Variants in BTN3A3 observed in about 807,000 individuals in gnomAD.
The protein encoded by BTN3A3 is butyrophilin 3.
BTN3A3 carries 39 observed loss-of-function variants against 43.2 expected under a neutral mutation model. That is an observed-to-expected ratio of 0.90 (90% CI 0.70 to 1.18). BTN3A3 has a LOEUF of 1.18. Ranked by LOEUF, BTN3A3 falls within the 50% of genes most tolerant of loss-of-function variation. The pLI, the probability that BTN3A3 is intolerant of heterozygous loss-of-function variation, is 0.00. For synonymous variants in BTN3A3, 255 were observed against 272.7 expected, an observed-to-expected ratio of 0.93 and a Z score of 0.64; for missense variants, 631 against 722.8, an observed-to-expected ratio of 0.87 and a Z score of 1.46.
chr6:26,448,244 G>A lies in BTN3A3; in HGVS notation c.716-4G>A, dbSNP rs767597946. 25 of 1,612,718 alleles carry A rather than the reference G, an allele frequency of 1.6e-5. No homozygotes were observed. The Admixed American group carries it at 2.2e-4, about 14-fold the overall frequency. On this transcript the variant is annotated splice_region_variant and splice_polypyrimidine_tract_variant and intron_variant, in intron 5 of 10. Transcript: ENST00000244519. ...CCCATGACCCACAGCTCTCCCCTTC[G>A]CAGACCCCTTCTTCAGGAGCGCCCA... is the stretch of plus-strand genomic sequence containing the variant.
Position 26,448,762 on chromosome 6 carries a change from A to T in BTN3A3, c.964+8A>T, listed in dbSNP as rs766628447. 6.2e-7 allele frequency: 1 copy of T among 1,613,314 alleles called. No homozygotes were observed. The highest frequency in any genetic ancestry group is 1.7e-5 in the Admixed American group (1 of 59,938). On this transcript the variant is annotated splice_region_variant and intron_variant, in intron 8 of 10. Transcript: ENST00000244519. The stretch of plus-strand genomic sequence containing the variant: ...AAATCCAGTACATGGCTCGTGAGTG[A>T]CTCTGACATTTTCTCTGAATTTGAA...
chr6:26,450,748 C>T (rs1357921296), intron 10 of BTN3A3, among the ~76,000 whole-genome samples: 1 of 152,038 alleles, frequency 6.6e-6, no homozygotes, highest in Non-Finnish European at 1.5e-5. Context: ...CCCATGGTTC[C>T]CAACAGTGGG....
In BTN3A3 at chr6:26,452,063, T is replaced by C; in HGVS notation, c.1407T>C (p.Thr469=). ...RKVGIFLDYE[T]GEISFYNATD... ...TGGGGATCTTCCTGGACTATGAGAC[T>C]GGAGAGATCTCGTTCTATAATGCCA... Residue 469 remains threonine, a synonymous_variant, in exon 11 of 11, where the codon ACT becomes ACC. Coordinates refer to ENST00000244519, the MANE Select transcript of BTN3A3 (RefSeq NM_006994.5). The C allele has an allele frequency of 6.2e-7, 1 of 1,614,150 alleles. No individual in the cohort carries two copies. Among genetic ancestry groups the C allele is most frequent in the Non-Finnish European group, 8.5e-7 (1 of 1,180,006 alleles).
At position 26,451,731 on chromosome 6, in the gene BTN3A3, C is replaced by G. The variant is rs759916211; in HGVS notation, c.1075C>G (p.Gln359Glu). The G allele has an allele frequency of 1.2e-6, 2 of 1,614,128 alleles. No homozygotes were observed. Among genetic ancestry groups the G allele is most frequent in the Non-Finnish European group, 1.7e-6 (2 of 1,180,012 alleles). ...ANAILLVSEDQRSVQRAEEPR... is the reference protein window; with the variant it reads ...ANAILLVSEDERSVQRAEEPR... ...CGCCATCCTCCTTGTTTCTGAGGAC[C>G]AGAGGAGTGTGCAGCGTGCTGAAGA... The change falls in exon 11 of 11, where the codon CAG becomes GAG. Residue 359 changes from glutamine (Q) to glutamate (E), a missense_variant. Physicochemically the swap from Gln to Glu is conservative, Grantham distance 29. Around this residue, in one of 2 missense-constraint regions of BTN3A3, gnomAD observed 551 missense variants for 584.0 expected, o/e 0.94. Coordinates refer to ENST00000244519, the MANE Select transcript of BTN3A3 (RefSeq NM_006994.5).
chr6:26,452,026 C>A lies in BTN3A3; in HGVS notation c.1370C>A (p.Pro457His). 6.2e-7 allele frequency: 1 copy of A among 1,614,158 alleles called. No homozygotes were observed. The highest frequency in any genetic ancestry group is 8.5e-7 in the Non-Finnish European group (1 of 1,180,016). Residue 457 changes from proline to histidine, a missense_variant, in exon 11 of 11, where the codon CCT becomes CAT. Around this residue, in one of 2 missense-constraint regions of BTN3A3, gnomAD observed 551 missense variants for 584.0 expected, o/e 0.94. Coordinates refer to ENST00000244519, the MANE Select transcript of BTN3A3 (RefSeq NM_006994.5). ...EPRTNLKLPE[P>H]PRKVGIFLDY... ...AGAACCAACCTGAAACTTCCTGAGC[C>A]TCCTAGGAAAGTGGGGATCTTCCTG...
rs778558121 is a variant in BTN3A3 at position 26,448,439 on chromosome 6, A to G, written c.907A>G (p.Ser303Gly). ...ATACGCTGCAACAGAGCAAGAAATA[A>G]GCCTAAGAGGTATCCAACGCAAGCA... ...MGYAATEQEI[S>G]LREKLQEELK... is the part of the protein sequence containing the mutation. Residue 303 changes from serine (S) to glycine (G), a missense_variant, in exon 6 of 11, where the codon AGC becomes GGC. Around this residue, in one of 2 missense-constraint regions of BTN3A3, gnomAD observed 551 missense variants for 584.0 expected, o/e 0.94. Coordinates refer to ENST00000244519, the MANE Select transcript of BTN3A3 (RefSeq NM_006994.5). 1.9e-6 allele frequency: 3 copies of G among 1,613,486 alleles called. No homozygotes were observed. Among genetic ancestry groups the G allele is most frequent in the African/African-American group, 2.7e-5 (2 of 74,932 alleles).
Position 26,452,719 on chromosome 6 carries a change from C to T in BTN3A3, c.*308C>T, listed in dbSNP as rs41267923. 0.077 allele frequency: 23,498 copies of T among 305,140 alleles called. 1,281 individuals carry two copies. The highest frequency in any genetic ancestry group is 0.094 in the Non-Finnish European group (15,489 of 164,070). 18.9% of individuals were successfully genotyped at this position (305,140 alleles called of 1,614,324 possible). ...GGGCAACATGAAGTAACTTACATAA[C>T]TCATACAGTAATTTGTGCAGTTGGG... is the stretch of plus-strand genomic sequence containing the variant. On this transcript the variant is annotated 3_prime_UTR_variant, in exon 11 of 11. Coordinates refer to ENST00000244519, the MANE Select transcript of BTN3A3 (RefSeq NM_006994.5).
intron 3 of BTN3A3, 46 bp downstream of exon 3, chr6:26,443,705 C>T (rs367717503): frequency 2.0e-5 from 31 of 1,586,844 alleles, no homozygotes; most frequent in Non-Finnish European, 2.7e-5. Flanking sequence ...CTGAAGCAGA[C>T]AATTATCTCA....
At chr6:26,448,589 T>C in intron 6 of BTN3A3, 28 bp from the exon 7 acceptor site, 2 of 1,613,952 alleles carry the variant, frequency 1.2e-6, no homozygotes, top group Non-Finnish European at 1.7e-6. Context: ...TGTTCTTTTT[T>C]TCTTTTCTTT....
Position 26,448,246 on chromosome 6 carries a change from A to C in BTN3A3, c.716-2A>C. 1 of 1,613,058 alleles carries C rather than the reference A, an allele frequency of 6.2e-7. No homozygotes were observed. The highest frequency in any genetic ancestry group is 8.5e-7 in the Non-Finnish European group (1 of 1,179,872). On this transcript the variant is annotated splice_acceptor_variant, in intron 5 of 10. Coordinates refer to ENST00000244519, the MANE Select transcript of BTN3A3 (RefSeq NM_006994.5). LOFTEE classifies it high-confidence loss of function. ...CATGACCCACAGCTCTCCCCTTCGC[A>C]GACCCCTTCTTCAGGAGCGCCCAGC...
At chr6:26,450,211 T>C (rs1221537646) in intron 10 of BTN3A3, 78 bp downstream of exon 10, 14 of 1,538,936 alleles carry the variant, frequency 9.1e-6, no homozygotes, top group Non-Finnish European at 1.2e-5. Context: ...ACTCTTGTGA[T>C]TTAGGGAAGA....
In BTN3A3 at chr6:26,448,637, A is replaced by T. The variant is rs1204987946; in HGVS notation, c.937A>T (p.Lys313Ter). 6.2e-7 allele frequency: 1 copy of T among 1,613,928 alleles called. No homozygotes were observed. Among genetic ancestry groups the T allele is most frequent in the Non-Finnish European group, 8.5e-7 (1 of 1,179,980 alleles). ...SLREKLQEEL[K>*]WRKIQYMARG... ...TCCAGAGAAGCTCCAGGAGGAACTC[A>T]GTAAGTTCCCATTCCCCAGGAGACC... The change falls in exon 7 of 11, where the codon AAG becomes TAG. Residue 313 changes from lysine to a stop codon, truncating the protein, a stop_gained and splice_region_variant. Coordinates refer to ENST00000244519, the MANE Select transcript of BTN3A3 (RefSeq NM_006994.5). LOFTEE classifies it high-confidence loss of function.
chr6:26,452,075 G>A lies in BTN3A3; in HGVS notation c.1419G>A (p.Ser473=), dbSNP rs777550042. ...IFLDYETGEI[S]FYNATDGSHI... is the part of the protein sequence containing the mutation. ...TGGACTATGAGACTGGAGAGATCTC[G>A]TTCTATAATGCCACAGATGGATCTC... is the stretch of plus-strand genomic sequence containing the variant. The change falls in exon 11 of 11, where the codon TCG becomes TCA. Residue 473 remains serine (S), a synonymous_variant. Coordinates refer to ENST00000244519, the MANE Select transcript of BTN3A3 (RefSeq NM_006994.5). 18 of 1,614,012 alleles carry A rather than the reference G, an allele frequency of 1.1e-5. No homozygotes were observed. Among genetic ancestry groups the A allele is most frequent in the South Asian group, 5.5e-5 (5 of 91,084 alleles).
At position 26,443,383 on chromosome 6, in the gene BTN3A3, T is replaced by C; in HGVS notation, c.-65T>C. On this transcript the variant is annotated splice_region_variant and 5_prime_UTR_variant, in exon 2 of 11. An upstream start codon of the reference 5' UTR is lost. Coordinates refer to ENST00000244519, the MANE Select transcript of BTN3A3 (RefSeq NM_006994.5). Reference sequence around the variant, plus strand: ...AGATAACAGATATTATTTTTACAGATGGTTTTCCATACTGGAACCCAAAGG... The same window carrying C: ...AGATAACAGATATTATTTTTACAGACGGTTTTCCATACTGGAACCCAAAGG... The C allele has an allele frequency of 1.5e-6, 2 of 1,321,846 alleles. No homozygotes were observed. The highest frequency in any genetic ancestry group is 1.7e-5 in the South Asian group (1 of 60,176). 81.9% of individuals were successfully genotyped at this position (1,321,846 alleles called of 1,614,324 possible).
intron 10 of BTN3A3, among the ~76,000 whole-genome samples, 178 bp from the exon 11 acceptor site, chr6:26,451,497 G>A (rs1397267637): frequency 6.6e-6 from 1 of 152,090 alleles, no homozygotes; most frequent in African/African-American, 2.4e-5. Context: ...TTCCCCTCTG[G>A]ACACAAGACC....
intron 4 of BTN3A3, chr6:26,444,641 G>A (rs1354113420): frequency 4.4e-6 from 2 of 452,818 alleles, no homozygotes; most frequent in Non-Finnish European, 8.1e-6. Context: ...GACGGCTTCT[G>A]TTGTGTCTCC....
At chr6:26,447,169 G>A (rs1370619375) in intron 5 of BTN3A3, among the ~76,000 whole-genome samples, 1 of 152,164 alleles carries the variant, frequency 6.6e-6, no homozygotes, top group African/African-American at 2.4e-5. Flanking sequence ...CACTAATATG[G>A]AAAGATCTCC....
chr6:26,449,761 A>T, intron 9 of BTN3A3, 73 bp downstream of exon 9: 1 of 1,565,392 alleles, frequency 6.4e-7, no homozygotes, highest in Non-Finnish European at 8.8e-7. Flanking sequence ...CTCTGCTGTG[A>T]CCCATTGACG....
In BTN3A3 at chr6:26,448,653, C is replaced by T. The variant is rs961274967; in HGVS notation, c.937+16C>T. ...GAGGAACTCAGTAAGTTCCCATTCC[C>T]CAGGAGACCCAGGCATGTCTTCTTA... On this transcript the variant is annotated intron_variant, in intron 7 of 10. Coordinates refer to ENST00000244519, the MANE Select transcript of BTN3A3 (RefSeq NM_006994.5). The T allele has an allele frequency of 6.2e-7, 1 of 1,613,936 alleles. No homozygotes were observed. Among genetic ancestry groups the T allele is most frequent in the East Asian group, 2.2e-5 (1 of 44,844 alleles).
Sources: gnomAD v4.1 joint callset for allele counts (sites outside exome capture counted in the v4.1 genomes callset) on GRCh38, gnomAD v4.1.1 for gene constraint, gnomAD v4.1.1 regional missense constraint, MANE v1.5 for transcripts, NCBI Gene and HGNC (gene_info 2026-07-23, HGNC 2026-07-21) for gene names.